The following KCNC2 variants were observed in gnomAD, a reference collection of about 807,000 sequenced individuals.
KCNC2 encodes the protein voltage-gated potassium channel KCNC2.
In KCNC2, 21 loss-of-function variants were observed where a neutral mutation model predicts 44.5. That is an observed-to-expected ratio of 0.47 (90% CI 0.33 to 0.68). The LOEUF is 0.68. Among genes scored for constraint, KCNC2 ranks in the 30% least tolerant of loss-of-function variants. The pLI is 0.01. For synonymous variants in KCNC2, 391 were observed against 339.1 expected (o/e 1.15, Z -1.68); for missense variants, 589 against 826.2 (o/e 0.71, Z 3.52).
At chr12:75,066,169 T>C (rs1360803348) in intron 2 of KCNC2, among the ~76,000 whole-genome samples, 1 of 152,154 alleles carries the variant, frequency 6.6e-6, no homozygotes, top group Non-Finnish European at 1.5e-5. Flanking sequence ...AGCACTATTT[T>C]TTATAATTAT....
intron 2 of KCNC2, among the ~76,000 whole-genome samples, chr12:75,117,354 A>G (rs1007471722): frequency 2.6e-5 from 4 of 152,176 alleles, no homozygotes; most frequent in African/African-American, 7.2e-5. Flanking sequence ...ACAACCACCA[A>G]TGGGATAGCA....
chr12:75,061,097 T>G (rs1383352347), intron 2 of KCNC2, among the ~76,000 whole-genome samples: 1 of 152,152 alleles, frequency 6.6e-6, no homozygotes, highest in African/African-American at 2.4e-5. Context: ...GAAAATAAGC[T>G]TGTAACAGAG....
chr12:75,182,506 G>A (rs1443171129), intron 2 of KCNC2, among the ~76,000 whole-genome samples: 2 of 130,456 alleles, frequency 1.5e-5, no homozygotes, highest in Non-Finnish European at 3.1e-5. Context: ...GGGCGACAGA[G>A]CGAGATTCCG....
At chr12:75,117,530 T>C (rs1178812506) in intron 2 of KCNC2, among the ~76,000 whole-genome samples, 1 of 152,162 alleles carries the variant, frequency 6.6e-6, no homozygotes, top group Non-Finnish European at 1.5e-5. Context: ...TCGCTACAGT[T>C]TTCATCATTA....
chr12:75,043,786 T>C, intron 4 of KCNC2: 1 of 1,511,188 alleles, frequency 6.6e-7, no homozygotes, highest in Admixed American at 2.0e-5. Context: ...ATCCAGGTGA[T>C]GTAGGATGGA....
At chr12:75,144,264 C>T (rs950360719) in intron 2 of KCNC2, among the ~76,000 whole-genome samples, 2 of 152,204 alleles carry the variant, frequency 1.3e-5, no homozygotes, top group Non-Finnish European at 2.9e-5. Context: ...TATTGGAAGA[C>T]ATGGGTATAT....
At chr12:75,098,228 C>T (rs544387459) in intron 2 of KCNC2, among the ~76,000 whole-genome samples, 26 of 152,126 alleles carry the variant, frequency 1.7e-4, no homozygotes, top group African/African-American at 5.3e-4. Flanking sequence ...GAGAAGTTTG[C>T]TTTTGCTTTT....
intron 2 of KCNC2, among the ~76,000 whole-genome samples, chr12:75,105,821 G>GT (rs985031571): frequency 6.6e-6 from 1 of 152,032 alleles, no homozygotes; most frequent in African/African-American, 2.4e-5. Flanking sequence ...TAGCTATAAG[G>GT]TAACTGGGAG....
At chr12:75,051,799 T>G (rs1196691744) in intron 2 of KCNC2, among the ~76,000 whole-genome samples, 1 of 152,068 alleles carries the variant, frequency 6.6e-6, no homozygotes, top group Non-Finnish European at 1.5e-5. Context: ...TATTCATATA[T>G]AAAATGTTCT....
At chr12:75,060,259 T>C (rs1882175709) in intron 2 of KCNC2, among the ~76,000 whole-genome samples, 1 of 152,038 alleles carries the variant, frequency 6.6e-6, no homozygotes, top group Non-Finnish European at 1.5e-5. Flanking sequence ...CTGTGGACTC[T>C]CAGACTCTAA....
intron 2 of KCNC2, among the ~76,000 whole-genome samples, chr12:75,169,239 A>G (rs906076464): frequency 3.3e-5 from 5 of 151,588 alleles, no homozygotes; most frequent in African/African-American, 1.2e-4. Context: ...ATCTTAGCAC[A>G]TAGAGCAGTA....
Position 75,041,260 on chromosome 12 carries a change from T to C in KCNC2, c.*1845A>G. 1 of 1,578,790 alleles carries C rather than the reference T, an allele frequency of 6.3e-7. No homozygotes were observed. Among genetic ancestry groups the C allele is most frequent in the Non-Finnish European group, 8.6e-7 (1 of 1,168,650 alleles). On this transcript the variant is annotated 3_prime_UTR_variant, in exon 5 of 5. Transcript: ENST00000549446. ...GCATATTAATTCTTTTACCATAAAT[T>C]TGTGTGTAATTATAATGTTCTATGT...
intron 2 of KCNC2, among the ~76,000 whole-genome samples, chr12:75,087,203 C>T (rs974812129): frequency 3.9e-5 from 6 of 152,054 alleles, no homozygotes; most frequent in African/African-American, 1.4e-4. Context: ...TTCACAGTTG[C>T]CTCCTTGTAT....
At chr12:75,171,735 A>G (rs1891834561) in intron 2 of KCNC2, among the ~76,000 whole-genome samples, 1 of 151,842 alleles carries the variant, frequency 6.6e-6, no homozygotes, top group South Asian at 2.1e-4. Context: ...AATTTACTGC[A>G]TATTTAAAAA....
Position 75,042,800 on chromosome 12 carries a change from C to T in KCNC2, c.*305G>A, listed in dbSNP as rs759398909. 8.5e-7 allele frequency: 1 copy of T among 1,182,034 alleles called. No homozygotes were observed. Among genetic ancestry groups the T allele is most frequent in the African/African-American group, 1.6e-5 (1 of 63,304 alleles). 73.2% of individuals were successfully genotyped at this position (1,182,034 alleles called of 1,614,324 possible). The stretch of plus-strand genomic sequence containing the variant: ...AAGCACACTGTTTTAAATATATCTC[C>T]CTGAAGGTATGTTTATATATTAGTG... On this transcript the variant is annotated 3_prime_UTR_variant, in exon 5 of 5. Transcript: ENST00000549446.
intron 2 of KCNC2, among the ~76,000 whole-genome samples, chr12:75,084,878 C>A (rs1884862696): frequency 6.6e-6 from 1 of 151,006 alleles, no homozygotes. Flanking sequence ...TATGTCAGCT[C>A]CCCTGTAGCA....
chr12:75,124,664 AT>A (rs1888275120), intron 2 of KCNC2: 1 of 152,136 alleles, frequency 6.6e-6, no homozygotes, highest in South Asian at 2.1e-4. Context: ...AAAATTTAAA[AT>A]TTTTTTAAAA....
At chr12:75,175,105 G>A (rs1287114149) in intron 2 of KCNC2, among the ~76,000 whole-genome samples, 3 of 151,858 alleles carry the variant, frequency 2.0e-5, no homozygotes, top group Admixed American at 6.6e-5. Context: ...GACAGCCTGT[G>A]TACCTGAAGG....
chr12:75,051,171 C>G lies in KCNC2; in HGVS notation c.834G>C (p.Thr278=). 1 of 1,613,722 alleles carries G rather than the reference C, an allele frequency of 6.2e-7. No homozygotes were observed. The highest frequency in any genetic ancestry group is 8.5e-7 in the Non-Finnish European group (1 of 1,179,748). Reference sequence around the variant, plus strand: ...CTTCTACATACGTCAAGGCAGGATCCGTTTCAATTTCATACTGTAGAACAA... The same window carrying G: ...CTTCTACATACGTCAAGGCAGGATCGGTTTCAATTTCATACTGTAGAACAA... ...TSVVLQYEIE[T]DPALTYVEGV... Residue 278 remains threonine (T), a synonymous_variant, in exon 3 of 5, where the codon ACG becomes ACC. Coordinates refer to ENST00000549446, the MANE Select transcript of KCNC2 (RefSeq NM_139137.4).
Sources: gnomAD v4.1 joint callset for allele counts (sites outside exome capture counted in the v4.1 genomes callset) on GRCh38, gnomAD v4.1.1 for gene constraint, MANE v1.5 for transcripts, NCBI Gene and HGNC (gene_info 2026-07-23, HGNC 2026-07-21) for gene names.